SYTL2: variants seen among roughly 807,000 people sequenced by gnomAD.
SYTL2 encodes synaptotagmin-like protein 2.
Under a neutral mutation model 198.7 loss-of-function variants are expected in SYTL2, and 165 were observed. The observed-to-expected ratio is 0.83, with a 90% confidence interval of 0.73 to 0.94. The LOEUF (loss-of-function observed/expected upper bound fraction) is 0.94, where lower values mean the gene tolerates loss of function less well. Among genes scored for constraint, SYTL2 ranks in the 40% least tolerant of loss-of-function variants. The probability of loss-of-function intolerance (pLI) is 0.00; values close to 1 mark genes in which losing one functional copy is unlikely to be tolerated. For missense variants in SYTL2, 2,835 were observed against 2,582.8 expected (o/e 1.10, Z -2.12); for synonymous variants, 966 against 917.7 (o/e 1.05, Z -0.95).
At chr11:85,707,029 A>C (rs1591602039) in intron 15 of SYTL2, among the ~76,000 whole-genome samples, 1 of 152,026 alleles carries the variant, frequency 6.6e-6, no homozygotes, top group Admixed American at 6.6e-5. Flanking sequence ...TAGTACAGAC[A>C]GGGTTTCACC....
At chr11:85,798,016 C>CT (rs1455343352) in intron 1 of SYTL2, among the ~76,000 whole-genome samples, 4 of 110,408 alleles carry the variant, frequency 3.6e-5, no homozygotes, top group Non-Finnish European at 7.6e-5. Flanking sequence ...ACTATGCCAG[C>CT]TATTTTTTTT....
the SYTL2 span, among the ~76,000 whole-genome samples, chr11:85,850,494 T>C: frequency 6.6e-5 from 10 of 151,608 alleles, no homozygotes; most frequent in African/African-American, 2.4e-4. Context: ...TCACACCAGT[T>C]AGAATGGCCA....
At chr11:85,760,682 C>T (rs2092071869) in intron 1 of SYTL2, among the ~76,000 whole-genome samples, 1 of 152,038 alleles carries the variant, frequency 6.6e-6, no homozygotes, top group African/African-American at 2.4e-5. Context: ...CAATGAAAAA[C>T]TTAGGTCGTC....
Position 85,726,648 on chromosome 11 carries a change from G to T in SYTL2, c.2710C>A (p.Gln904Lys). The T allele has an allele frequency of 6.5e-7, 1 of 1,537,244 alleles. No homozygotes were observed. The highest frequency in any genetic ancestry group is 8.7e-7 in the Non-Finnish European group (1 of 1,147,280). Residue 904 changes from glutamine (Q) to lysine (K), a missense_variant, in exon 8 of 20, where the codon CAG becomes AAG. By Grantham distance (53) the Gln-to-Lys change is moderately conservative. Around this residue, in one of 3 missense-constraint regions of SYTL2, gnomAD observed 2,645 missense variants for 2,381.7 expected, o/e 1.11. Transcript: ENST00000359152. ...TTTATAGGCTCATTTTTCTTATTCTGAAACAGAGACACTTTATCTGATTGC... is the reference window on the plus strand; with the variant it reads ...TTTATAGGCTCATTTTTCTTATTCTTAAACAGAGACACTTTATCTGATTGC... ...AEQSDKVSLF[Q>K]NKKNEPIKRS...
At chr11:85,803,046 G>T (rs2092912866) in intron 1 of SYTL2, among the ~76,000 whole-genome samples, 1 of 152,096 alleles carries the variant, frequency 6.6e-6, no homozygotes, top group African/African-American at 2.4e-5. Context: ...CATAACTCTG[G>T]CTTCTGACCT....
chr11:85,750,045 G>A (rs2091421372), intron 2 of SYTL2, among the ~76,000 whole-genome samples: 1 of 152,100 alleles, frequency 6.6e-6, no homozygotes, highest in Non-Finnish European at 1.5e-5. Flanking sequence ...TTGCCAGCAG[G>A]CTCAGCTTCT....
At position 85,707,546 on chromosome 11, in the gene SYTL2, T is replaced by G. The variant is rs773666752; in HGVS notation, c.5916-15A>C. On this transcript the variant is annotated splice_polypyrimidine_tract_variant and intron_variant, in intron 14 of 19. Transcript: ENST00000359152. ...CCTTTACATATCTGAAAAGGAGAATTGAACAGACAAAGTCAAAGAAAATAA... is the reference window on the plus strand; with the variant it reads ...CCTTTACATATCTGAAAAGGAGAATGGAACAGACAAAGTCAAAGAAAATAA... 6.8e-7 allele frequency: 1 copy of G among 1,475,118 alleles called. No individual in the cohort carries two copies. Among genetic ancestry groups the G allele is most frequent in the East Asian group, 2.4e-5 (1 of 42,418 alleles). The allele number at this position is 1,475,118 out of a possible 1,614,324, so 91.4% of individuals were successfully genotyped here. A position where few individuals can be genotyped will look rare whatever the true frequency, so the allele number is the denominator to read the frequency against.
the SYTL2 span, among the ~76,000 whole-genome samples, chr11:85,846,988 C>T: frequency 2.6e-5 from 4 of 152,194 alleles, no homozygotes; most frequent in Admixed American, 6.5e-5. Context: ...CCTGCCTCGG[C>T]CTCCCGAAGC....
intron 12 of SYTL2, among the ~76,000 whole-genome samples, chr11:85,713,918 G>T (rs1229696296): frequency 1.3e-5 from 2 of 152,188 alleles, no homozygotes; most frequent in African/African-American, 2.4e-5. Context: ...CACCTGTAAT[G>T]TGTGGGGATA....
intron 1 of SYTL2, among the ~76,000 whole-genome samples, chr11:85,803,545 T>C (rs750930304): frequency 6.6e-6 from 1 of 152,220 alleles, no homozygotes; most frequent in African/African-American, 2.4e-5. Context: ...TACATCTCTA[T>C]GGTAACAGAA....
intron 6 of SYTL2, among the ~76,000 whole-genome samples, chr11:85,735,080 C>G (rs11234395): frequency 0.038 from 5,730 of 152,208 alleles, 175 homozygotes; most frequent in East Asian, 0.099. Flanking sequence ...TGGTTCATCA[C>G]GTGTAACAAA....
At chr11:85,815,545 C>T (rs964689950), upstream of SYTL2, among the ~76,000 whole-genome samples, 2 of 152,192 alleles carry the variant, frequency 1.3e-5, no homozygotes, top group African/African-American at 4.8e-5. Flanking sequence ...TGAACTTCTA[C>T]AGCTCTTTGT....
chr11:85,779,050 A>G (rs114028375), intron 1 of SYTL2, among the ~76,000 whole-genome samples: 351 of 152,168 alleles, frequency 2.3e-3, no homozygotes, highest in African/African-American at 8.0e-3. Context: ...TATACTATAT[A>G]TATTATATAA....
intron 6 of SYTL2, 122 bp downstream of exon 6, chr11:85,736,373 AAATAAG>A (rs2090337007): frequency 1.7e-6 from 1 of 571,486 alleles, no homozygotes; most frequent in African/African-American, 2.0e-5. Context: ...AAGCACCGTA[AAATAAG>A]AAAACCATCA....
chr11:85,821,543 C>A, the SYTL2 span, among the ~76,000 whole-genome samples: 1 of 152,116 alleles, frequency 6.6e-6, no homozygotes, highest in Non-Finnish European at 1.5e-5. Context: ...AATGGCCAGA[C>A]ATGTTAAAAT....
At position 85,737,554 on chromosome 11, in the gene SYTL2, CA is replaced by C. The variant is rs752365376; in HGVS notation, c.471+20del. 6.3e-7 allele frequency: 1 copy of C among 1,595,362 alleles called. No individual in the cohort carries two copies. On this transcript the variant is annotated intron_variant, in intron 5 of 19. Coordinates refer to ENST00000359152, the MANE Select transcript of SYTL2 (RefSeq NM_206927.4). The stretch of plus-strand genomic sequence containing the variant: ...GCATTCCTAACAAATACAAGATTTT[CA>C]AAATCTGGGCTCAGTCTACCTTCTC...
the SYTL2 span, among the ~76,000 whole-genome samples, chr11:85,819,686 G>A: frequency 6.6e-6 from 1 of 152,190 alleles, no homozygotes; most frequent in Non-Finnish European, 1.5e-5. Flanking sequence ...CTGGAAGCAT[G>A]TTTCATCAGG....
the SYTL2 span, chr11:85,852,635 C>A: frequency 1.6e-5 from 3 of 182,742 alleles, no homozygotes; most frequent in South Asian, 2.0e-4. Flanking sequence ...CTCGGCCTCC[C>A]GAGGTGCCGG....
chr11:85,756,402 T>G (rs566765334), intron 2 of SYTL2, among the ~76,000 whole-genome samples: 1 of 152,160 alleles, frequency 6.6e-6, no homozygotes, highest in African/African-American at 2.4e-5. Context: ...AGCCCCTTCC[T>G]CCATTGCCAG....
Sources: allele counts gnomAD v4.1 joint callset (sites outside exome capture counted in the v4.1 genomes callset), GRCh38; gene constraint gnomAD v4.1.1; regional missense constraint gnomAD v4.1.1; transcripts MANE v1.5; gene names NCBI Gene and HGNC (gene_info 2026-07-23, HGNC 2026-07-21).